Variants in PRMT9 observed in about 807,000 individuals in gnomAD.
PRMT9 encodes the protein protein arginine N-methyltransferase 9.
Under a neutral mutation model 83.2 loss-of-function variants are expected in PRMT9, and 59 were observed. That is an observed-to-expected ratio of 0.71 (90% CI 0.57 to 0.88). The LOEUF (loss-of-function observed/expected upper bound fraction) is 0.88, where lower values mean the gene tolerates loss of function less well. PRMT9 is among the 40% of genes least tolerant of loss of function. The pLI, the probability that PRMT9 is intolerant of heterozygous loss-of-function variation, is 0.00. For missense variants in PRMT9, 947 were observed against 1,021.9 expected, an observed-to-expected ratio of 0.93 and a Z score of 1.00; for synonymous variants, 333 against 353.2, an observed-to-expected ratio of 0.94 and a Z score of 0.64.
chr4:147,673,605 T>C (rs779058704), intron 3 of PRMT9, 33 bp downstream of exon 3: 3 of 1,243,182 alleles, frequency 2.4e-6, no homozygotes, highest in East Asian at 2.3e-5. Flanking sequence ...TTAGAATACA[T>C]GTATATACCA....
At chr4:147,659,813 T>G (rs1350764361) in intron 7 of PRMT9, among the ~76,000 whole-genome samples, 5 of 152,068 alleles carry the variant, frequency 3.3e-5, no homozygotes, top group Non-Finnish European at 7.4e-5. Flanking sequence ...ACTCCTGACC[T>G]CAGGTAATCC....
chr4:147,644,064 T>C (rs141609543), intron 9 of PRMT9, among the ~76,000 whole-genome samples: 1 of 152,248 alleles, frequency 6.6e-6, no homozygotes, highest in Non-Finnish European at 1.5e-5. Context: ...CTGGATAAGA[T>C]TTGTAGCTTA....
intron 6 of PRMT9, among the ~76,000 whole-genome samples, chr4:147,666,823 T>TAAAAAAAA (rs67002013): frequency 7.9e-6 from 1 of 126,444 alleles, no homozygotes; most frequent in South Asian, 2.5e-4. Flanking sequence ...GAACTTTGTT[T>TAAAAAAAA]AAAAAAAAAA....
At position 147,683,885 on chromosome 4, in the gene PRMT9, A is replaced by G; in HGVS notation, c.103T>C (p.Cys35Arg). 6.2e-7 allele frequency: 1 copy of G among 1,613,650 alleles called. No homozygotes were observed. Among genetic ancestry groups the G allele is most frequent in the Non-Finnish European group, 8.5e-7 (1 of 1,179,988 alleles). The change falls in exon 1 of 12, where the codon TGT becomes CGT. Residue 35 changes from cysteine to arginine, a missense_variant. By Grantham distance (180) the Cys-to-Arg change is radical (BLOSUM62 -3). Transcript: ENST00000322396. ...GTGCCGAAGTCCTGGACGCCCAGACAGTGCTCTGCGCTCTGCAAGGACCGC... is the reference window on the plus strand; with the variant it reads ...GTGCCGAAGTCCTGGACGCCCAGACGGTGCTCTGCGCTCTGCAAGGACCGC... ...VSRSLQSAEH[C>R]LGVQDFGTAY... is the part of the protein sequence containing the mutation.
chr4:147,672,152 A>G, intron 4 of PRMT9: 1 of 258,642 alleles, frequency 3.9e-6, no homozygotes, highest in South Asian at 4.1e-5. Flanking sequence ...GCATTAATCT[A>G]ATAGGAATTT....
chr4:147,647,866 G>A (rs1372294941), intron 9 of PRMT9, among the ~76,000 whole-genome samples: 1 of 152,090 alleles, frequency 6.6e-6, no homozygotes, highest in East Asian at 1.9e-4. Flanking sequence ...GCTTTTCTGG[G>A]CAGTGGGTAA....
intron 7 of PRMT9, among the ~76,000 whole-genome samples, chr4:147,658,536 C>T (rs1478699148): frequency 1.3e-5 from 2 of 152,070 alleles, no homozygotes; most frequent in African/African-American, 4.8e-5. Context: ...GCAGGCATGA[C>T]TTTTGAAATT....
At chr4:147,644,501 G>A (rs1214296106) in intron 9 of PRMT9, among the ~76,000 whole-genome samples, 1 of 122,974 alleles carries the variant, frequency 8.1e-6, no homozygotes, top group Non-Finnish European at 1.6e-5. Context: ...TATAAGAATA[G>A]AATGTCAGCT....
In PRMT9 at chr4:147,673,729, T is replaced by C; in HGVS notation, c.484A>G (p.Arg162Gly). ...WHFIMLNDTK[R>G]NTIYNAAIQK... ...ATTGCTGCATTATAAATTGTATTCCTCTTGGTGTCATTAAGCATGATAAAG... is the reference window on the plus strand; with the variant it reads ...ATTGCTGCATTATAAATTGTATTCCCCTTGGTGTCATTAAGCATGATAAAG... Residue 162 changes from arginine to glycine, a missense_variant, in exon 3 of 12, where the codon AGG (arginine) becomes GGG (glycine). Arg to Gly is a moderately radical substitution (Grantham distance 125, BLOSUM62 -2). Transcript: ENST00000322396. The C allele has an allele frequency of 6.2e-7, 1 of 1,614,120 alleles. No individual in the cohort carries two copies. The highest frequency in any genetic ancestry group is 8.5e-7 in the Non-Finnish European group (1 of 1,179,978).
In PRMT9 at chr4:147,674,856, C is replaced by A. The variant is rs533911314; in HGVS notation, c.339-982G>T. ...AATTTCTATACTTACCTGTCATTAACCAGTAATCTGTGGGTGAGCAGCAAT... is the reference window on the plus strand; with the variant it reads ...AATTTCTATACTTACCTGTCATTAAACAGTAATCTGTGGGTGAGCAGCAAT... On this transcript the variant is annotated intron_variant, in intron 2 of 11. Coordinates refer to ENST00000322396, the MANE Select transcript of PRMT9 (RefSeq NM_138364.4). Among the ~76,000 whole-genome samples, 51 of 152,326 alleles carry A rather than the reference C, an allele frequency of 3.3e-4. 1 individual carries two copies. The South Asian group carries it at 9.9e-3, about 30-fold the overall frequency.
intron 7 of PRMT9, among the ~76,000 whole-genome samples, chr4:147,660,456 C>T (rs919609979): frequency 6.6e-6 from 1 of 152,022 alleles, no homozygotes; most frequent in East Asian, 1.9e-4. Flanking sequence ...ATGGCAAAAC[C>T]GCATCTCTAC....
chr4:147,638,382 T>C lies in PRMT9; in HGVS notation c.*150A>G. On this transcript the variant is annotated 3_prime_UTR_variant, in exon 12 of 12. Coordinates refer to ENST00000322396, the MANE Select transcript of PRMT9 (RefSeq NM_138364.4). ...TTTCTATAATAATGCTACCCTTTTA[T>C]TTAGAATCTTTTAAAATATGCTTTA... is the stretch of plus-strand genomic sequence containing the variant. 4 of 658,378 alleles carry C rather than the reference T, an allele frequency of 6.1e-6. No homozygotes were observed. The highest frequency in any genetic ancestry group is 1.1e-5 in the Non-Finnish European group (4 of 373,256). The allele number at this position is 658,378 out of a possible 1,614,324, so 40.8% of individuals were successfully genotyped here.
chr4:147,682,300 C>T (rs1736529414), intron 1 of PRMT9, among the ~76,000 whole-genome samples: 2 of 152,202 alleles, frequency 1.3e-5, no homozygotes, highest in Admixed American at 1.3e-4. Flanking sequence ...CTGCCTCAGC[C>T]TCTCGAGTAG....
intron 9 of PRMT9, among the ~76,000 whole-genome samples, chr4:147,651,784 GA>G (rs1016853766): frequency 6.6e-6 from 1 of 152,184 alleles, no homozygotes; most frequent in Admixed American, 6.5e-5. Flanking sequence ...TAAACTCATA[GA>G]AACAGAAAGT....
Position 147,638,141 on chromosome 4 carries a change from A to G in PRMT9, c.*391T>C. 4.1e-6 allele frequency: 1 copy of G among 244,556 alleles called. No homozygotes were observed. The highest frequency in any genetic ancestry group is 5.1e-5 in the South Asian group (1 of 19,504). 15.1% of individuals were successfully genotyped at this position (244,556 alleles called of 1,614,324 possible). On this transcript the variant is annotated 3_prime_UTR_variant, in exon 12 of 12. Coordinates refer to ENST00000322396, the MANE Select transcript of PRMT9 (RefSeq NM_138364.4). ...GAATTTACAGGTAACCATAACCCTC[A>G]GTCTTCAGTGGAAGCCTTTCAGTGT... is the stretch of plus-strand genomic sequence containing the variant.
chr4:147,663,896 T>C (rs1735146195), intron 6 of PRMT9, among the ~76,000 whole-genome samples: 1 of 152,224 alleles, frequency 6.6e-6, no homozygotes, highest in African/African-American at 2.4e-5. Flanking sequence ...ATCATGCCTA[T>C]TTATCTCTCA....
intron 6 of PRMT9, among the ~76,000 whole-genome samples, chr4:147,662,387 G>A (rs952685234): frequency 6.6e-5 from 10 of 152,122 alleles, no homozygotes; most frequent in South Asian, 2.1e-4. Flanking sequence ...ATTATATAGC[G>A]GTAATATTCT....
At chr4:147,670,840 A>T (rs568754506) in intron 4 of PRMT9, 97 bp from the exon 5 acceptor site, 10 of 802,452 alleles carry the variant, frequency 1.2e-5, no homozygotes, top group Admixed American at 1.1e-4. Flanking sequence ...TATATTATAG[A>T]AACAGTCCAT....
chr4:147,653,453 A>AATAT (rs1553991781), intron 9 of PRMT9, among the ~76,000 whole-genome samples: 1 of 148,568 alleles, frequency 6.7e-6, no homozygotes, highest in Non-Finnish European at 1.5e-5. Flanking sequence ...AAAAAAAAAA[A>AATAT]ATATATATAT....
Sources: allele counts gnomAD v4.1 joint callset (sites outside exome capture counted in the v4.1 genomes callset), GRCh38; gene constraint gnomAD v4.1.1; transcripts MANE v1.5; gene names NCBI Gene and HGNC (gene_info 2026-07-23, HGNC 2026-07-21).